Variants in DYNC1I1 observed in about 807,000 individuals in gnomAD.
DYNC1I1 encodes dynein cytoplasmic 1 intermediate chain 1.
Under a neutral mutation model 86.6 loss-of-function variants are expected in DYNC1I1, and 43 were observed. The ratio of observed to expected loss-of-function variants is 0.50; its 90% CI spans 0.39 to 0.64. The LOEUF is 0.64. Among genes scored for constraint, DYNC1I1 ranks in the 30% least tolerant of loss-of-function variants. DYNC1I1 has a pLI of 0.00. For synonymous variants in DYNC1I1, 262 were observed against 283.7 expected, an observed-to-expected ratio of 0.92 and a Z score of 0.77; for missense variants, 604 against 788.8, an observed-to-expected ratio of 0.77 and a Z score of 2.81.
intron 10 of DYNC1I1, among the ~76,000 whole-genome samples, chr7:96,022,674 G>A (rs765010420): frequency 6.6e-6 from 1 of 151,792 alleles, no homozygotes; most frequent in Admixed American, 6.6e-5. Flanking sequence ...ACCAGCCATG[G>A]CAACATAGCA....
At chr7:96,002,804 T>C (rs1185158232) in intron 10 of DYNC1I1, among the ~76,000 whole-genome samples, 2 of 151,806 alleles carry the variant, frequency 1.3e-5, no homozygotes, top group Non-Finnish European at 2.9e-5. Context: ...TCAGCATTTT[T>C]TTTTTGGTTT....
chr7:95,821,753 T>C (rs1477000358), intron 4 of DYNC1I1, among the ~76,000 whole-genome samples: 3 of 152,180 alleles, frequency 2.0e-5, no homozygotes, highest in African/African-American at 7.2e-5. Flanking sequence ...GGAGCAAAAC[T>C]AGTCCAGGAG....
At chr7:95,792,137 T>C (rs552656338) in intron 1 of DYNC1I1, among the ~76,000 whole-genome samples, 1 of 152,320 alleles carries the variant, frequency 6.6e-6, no homozygotes, top group African/African-American at 2.4e-5. Context: ...ATGGCCCCTG[T>C]CTTAAGAGCT....
intron 6 of DYNC1I1, among the ~76,000 whole-genome samples, chr7:95,975,424 C>T (rs1466254926): frequency 6.6e-6 from 1 of 152,072 alleles, no homozygotes; most frequent in African/African-American, 2.4e-5. Flanking sequence ...TTTGGTGTTC[C>T]TTGGCTTGTA....
At chr7:95,969,645 T>C (rs1179529328) in intron 6 of DYNC1I1, among the ~76,000 whole-genome samples, 7 of 152,210 alleles carry the variant, frequency 4.6e-5, no homozygotes, top group African/African-American at 1.7e-4. Context: ...TCAGTGCTCT[T>C]ACAAGTTTCA....
chr7:96,000,212 T>G (rs926739433), intron 10 of DYNC1I1, among the ~76,000 whole-genome samples: 6 of 152,160 alleles, frequency 3.9e-5, no homozygotes, highest in African/African-American at 1.4e-4. Flanking sequence ...ATTCCTGGGA[T>G]TCAAAATGAA....
At chr7:95,965,821 T>G (rs1188629817) in intron 6 of DYNC1I1, among the ~76,000 whole-genome samples, 2 of 152,200 alleles carry the variant, frequency 1.3e-5, no homozygotes, top group Non-Finnish European at 2.9e-5. Context: ...AAATTACTTA[T>G]GCCAAAAGAA....
chr7:95,804,474 C>A, intron 1 of DYNC1I1: 1 of 924,014 alleles, frequency 1.1e-6, no homozygotes, highest in Non-Finnish European at 1.5e-6. Context: ...GCTTAGGCCA[C>A]ATAATAACCT....
chr7:95,871,720 C>T (rs1790174954), intron 6 of DYNC1I1, among the ~76,000 whole-genome samples: 1 of 152,116 alleles, frequency 6.6e-6, no homozygotes, highest in Non-Finnish European at 1.5e-5. Context: ...TGGAGCACAT[C>T]AAAAGGAAAA....
intron 15 of DYNC1I1, among the ~76,000 whole-genome samples, chr7:96,077,278 G>GTGTGTGTGTGT (rs1562996246): frequency 2.9e-5 from 4 of 135,634 alleles, no homozygotes; most frequent in South Asian, 2.5e-4. Context: ...TGTGTGTGTG[G>GTGTGTGTGTGT]GAGGGGGCAG....
intron 5 of DYNC1I1, among the ~76,000 whole-genome samples, chr7:95,838,676 A>G (rs1290879528): frequency 6.6e-6 from 1 of 152,102 alleles, no homozygotes; most frequent in Non-Finnish European, 1.5e-5. Flanking sequence ...TGAACATACA[A>G]TGTCTTTTCA....
At chr7:96,006,516 T>C (rs552315357) in intron 10 of DYNC1I1, among the ~76,000 whole-genome samples, 14 of 152,344 alleles carry the variant, frequency 9.2e-5, no homozygotes, top group Admixed American at 7.8e-4. Context: ...CTTCTCTATA[T>C]TGAAAACTGC....
chr7:96,076,400 T>G (rs1476945188), intron 15 of DYNC1I1, among the ~76,000 whole-genome samples: 2 of 152,236 alleles, frequency 1.3e-5, no homozygotes, highest in Non-Finnish European at 2.9e-5. Context: ...CCTTCATCCC[T>G]AAACGGTGGC....
chr7:96,076,186 A>C lies in DYNC1I1; in HGVS notation c.1639A>C (p.Asn547His). The change falls in exon 15 of 17, where the codon AAT becomes CAT. Residue 547 changes from asparagine (N) to histidine (H), a missense_variant. Asn to His is a moderately conservative substitution (Grantham distance 68). Transcript: ENST00000447467. Reference sequence around the variant, plus strand: ...GCGCTTGGACCTCTGGAACCTCAACAATGACACCGAGGTGAGCGGCGGCTC... The same window carrying C: ...GCGCTTGGACCTCTGGAACCTCAACCATGACACCGAGGTGAGCGGCGGCTC... ...MGRLDLWNLN[N>H]DTEVPTASVA... 1 of 1,614,028 alleles carries C rather than the reference A, an allele frequency of 6.2e-7. No homozygotes were observed. Among genetic ancestry groups the C allele is most frequent in the Non-Finnish European group, 8.5e-7 (1 of 1,179,972 alleles).
At chr7:95,984,538 T>TA (rs1169822483) in intron 7 of DYNC1I1, among the ~76,000 whole-genome samples, 2 of 152,188 alleles carry the variant, frequency 1.3e-5, no homozygotes, top group Non-Finnish European at 2.9e-5. Flanking sequence ...AACTGATTGC[T>TA]AAAAACACAC....
At chr7:95,779,980 C>T (rs925858286) in intron 1 of DYNC1I1, among the ~76,000 whole-genome samples, 7 of 152,162 alleles carry the variant, frequency 4.6e-5, no homozygotes, top group East Asian at 1.9e-4. Flanking sequence ...GAAGAAATGA[C>T]GGGCAGCATG....
intron 5 of DYNC1I1, among the ~76,000 whole-genome samples, chr7:95,852,363 A>G (rs1385458662): frequency 6.6e-6 from 1 of 151,674 alleles, no homozygotes; most frequent in South Asian, 2.1e-4. Context: ...ATCTTCTTTT[A>G]TATTTTTGAT....
At chr7:95,988,149 G>T (rs1391919879) in intron 9 of DYNC1I1, among the ~76,000 whole-genome samples, 1 of 152,208 alleles carries the variant, frequency 6.6e-6, no homozygotes. Context: ...GGCCAAGGCG[G>T]GTGGATCGCT....
At chr7:95,926,385 A>T (rs1209969165) in intron 6 of DYNC1I1, among the ~76,000 whole-genome samples, 1 of 152,190 alleles carries the variant, frequency 6.6e-6, no homozygotes, top group Non-Finnish European at 1.5e-5. Flanking sequence ...AAGTTAAAAA[A>T]AGTTACAAAA....
Sources: gnomAD v4.1 joint callset for allele counts (sites outside exome capture counted in the v4.1 genomes callset) on GRCh38, gnomAD v4.1.1 for gene constraint, MANE v1.5 for transcripts, NCBI Gene and HGNC (gene_info 2026-07-23, HGNC 2026-07-21) for gene names.